The following PCDHA8 variants were observed in gnomAD, a reference collection of about 807,000 sequenced individuals.
PCDHA8 encodes protocadherin alpha-8.
A neutral mutation model predicts 61.8 loss-of-function variants in PCDHA8; 53 were observed. The observed-to-expected ratio is 0.86, with a 90% CI of 0.69 to 1.08. PCDHA8 has a LOEUF of 1.08. Among genes scored for constraint, PCDHA8 ranks in the 50% least tolerant of loss-of-function variants. The pLI is 0.00. For synonymous variants in PCDHA8, 618 were observed against 556.6 expected (o/e 1.11, Z -1.55); for missense variants, 1,293 against 1,245.0 (o/e 1.04, Z -0.58).
In PCDHA8 at chr5:141,005,071, G is replaced by A. The variant is rs115656219; in HGVS notation, c.2543-4556G>A. On this transcript the variant is annotated intron_variant, in intron 3 of 3. Coordinates refer to ENST00000531613, the MANE Select transcript of PCDHA8 (RefSeq NM_018911.3). ...TACTGAATTCTTGCATTGTGCTAAG[G>A]ATCAAGCTTAGTACTTTACATGCAT... 5.2e-3 allele frequency among the ~76,000 whole-genome samples: 796 copies of A among 152,278 alleles called. 8 individuals are homozygous for A. The highest frequency in any genetic ancestry group is 0.018 in the African/African-American group (745 of 41,556).
chr5:140,842,874 A>C lies in PCDHA8; in HGVS notation c.1553A>C (p.Tyr518Ser), dbSNP rs2150346972. 38 of 1,593,708 alleles carry C rather than the reference A, an allele frequency of 2.4e-5. 5 individuals carry two copies. The highest frequency in any genetic ancestry group is 2.3e-4 in the African/African-American group (17 of 74,204). The change falls in exon 1 of 4, where the codon TAC becomes TCC. Residue 518 changes from tyrosine (Y) to serine (S), a missense_variant. Physicochemically the swap from Tyr to Ser is moderately radical, Grantham distance 144 (BLOSUM62 -2). Coordinates refer to ENST00000531613, the MANE Select transcript of PCDHA8 (RefSeq NM_018911.3). ...ISVHTESGKV[Y>S]ALQPLDHEEL... is the part of the protein sequence containing the mutation. Reference sequence around the variant, plus strand: ...GTGCACACGGAGAGCGGCAAGGTGTACGCGCTGCAGCCGCTGGACCACGAG... The same window carrying C: ...GTGCACACGGAGAGCGGCAAGGTGTCCGCGCTGCAGCCGCTGGACCACGAG...
At chr5:140,847,123 C>T (rs1554141658) in intron 1 of PCDHA8, among the ~76,000 whole-genome samples, 1 of 149,564 alleles carries the variant, frequency 6.7e-6, no homozygotes, top group African/African-American at 2.4e-5. Context: ...AGAATGAAAG[C>T]AGGAAAACCA....
intron 1 of PCDHA8, chr5:140,926,257 C>T (rs888723043): frequency 5.2e-5 from 8 of 152,418 alleles, no homozygotes; most frequent in African/African-American, 1.4e-4. Context: ...ACCGTCCCGC[C>T]TCTCGCCGCC....
chr5:140,918,406 G>A (rs1382905411), intron 1 of PCDHA8, among the ~76,000 whole-genome samples: 2 of 152,076 alleles, frequency 1.3e-5, no homozygotes, highest in Non-Finnish European at 2.9e-5. Context: ...GATTTCTCTG[G>A]CCAGGACTTC....
intron 1 of PCDHA8, chr5:140,848,611 C>A (rs2150414621): frequency 6.3e-7 from 1 of 1,593,572 alleles, no homozygotes; most frequent in African/African-American, 1.3e-5. Flanking sequence ...CCGGAGGAAG[C>A]CGAACACGGC....
chr5:140,862,881 T>C, intron 1 of PCDHA8: 3 of 564,618 alleles, frequency 5.3e-6, no homozygotes, highest in Non-Finnish European at 1.0e-5. Context: ...GTATTAGTGC[T>C]GGAACGACAA....
chr5:140,982,071 G>A (rs1484711558), intron 2 of PCDHA8, among the ~76,000 whole-genome samples: 12 of 151,172 alleles, frequency 7.9e-5, no homozygotes, highest in Admixed American at 7.9e-4. Flanking sequence ...TTCTTCTTTA[G>A]AGTAGAGAAC....
chr5:140,878,016 G>A, intron 1 of PCDHA8: 2 of 818,388 alleles, frequency 2.4e-6, no homozygotes, highest in Admixed American at 3.6e-5. Context: ...CATTAATGAA[G>A]GAAATATGTA....
At chr5:140,869,419 C>G (rs782550413) in intron 1 of PCDHA8, 10 of 1,614,078 alleles carry the variant, frequency 6.2e-6, no homozygotes, top group African/African-American at 1.3e-5. Context: ...CAGCATCCAC[C>G]TGGAGGTGAT....
At chr5:140,929,554 C>T (rs899446101) in intron 1 of PCDHA8, 4 of 488,414 alleles carry the variant, frequency 8.2e-6, no homozygotes, top group Non-Finnish European at 1.4e-5. Context: ...AAAATTAAAA[C>T]CTATTTAAGA....
rs139214405 is a variant in PCDHA8, at chr5:140,927,269, C to A, written c.2395-51680C>A. The A allele has an allele frequency of 2.4e-5, 38 of 1,614,024 alleles. No individual in the cohort carries two copies. In the African/African-American group the frequency reaches 3.9e-4, roughly 16 times the overall value. On this transcript the variant is annotated intron_variant, in intron 1 of 3. Transcript: ENST00000531613. ...AATGACAACTCACCTCTCTTTCCTG[C>A]CGGCGACGTGCAGCTGCACATCCCC...
At chr5:140,928,332 C>T in intron 1 of PCDHA8, 1 of 1,614,182 alleles carries the variant, frequency 6.2e-7, no homozygotes, top group Non-Finnish European at 8.5e-7. Context: ...ATGGCCTTGT[C>T]TCTTATGAGC....
chr5:140,959,408 A>C (rs1554224058), intron 1 of PCDHA8, among the ~76,000 whole-genome samples: 2 of 152,124 alleles, frequency 1.3e-5, no homozygotes, highest in Non-Finnish European at 1.5e-5. Context: ...TAAAGTGTTG[A>C]TTGATCTGAG....
At chr5:140,846,948 CA>C (rs1554141582) in intron 1 of PCDHA8, among the ~76,000 whole-genome samples, 1 of 149,468 alleles carries the variant, frequency 6.7e-6, no homozygotes, top group East Asian at 1.9e-4. Flanking sequence ...CTTGAAGGGG[CA>C]TGGTGTGTTT....
chr5:141,010,938 A>G lies in PCDHA8; in HGVS notation c.*1001A>G, dbSNP rs1210392691. ...TCAAAAGAGAATTCAGTCTACAGCC[A>G]TTTAAATGATCATTGCTGCTACAGA... On this transcript the variant is annotated 3_prime_UTR_variant, in exon 4 of 4. Coordinates refer to ENST00000531613, the MANE Select transcript of PCDHA8 (RefSeq NM_018911.3). 6 of 153,824 alleles carry G rather than the reference A, an allele frequency of 3.9e-5. No homozygotes were observed. Among genetic ancestry groups the G allele is most frequent in the African/African-American group, 1.4e-4 (6 of 41,470 alleles). The allele number at this position is 153,824 out of a possible 1,614,324, so 9.5% of individuals were successfully genotyped here. A position where few individuals can be genotyped will look rare whatever the true frequency, so the allele number is the denominator to read the frequency against.
At chr5:140,858,024 C>T (rs782656168) in intron 1 of PCDHA8, 4 of 1,596,582 alleles carry the variant, frequency 2.5e-6, no homozygotes, top group African/African-American at 1.3e-5. Context: ...CCGTCGCTGA[C>T]GGCCACGGCC....
At chr5:140,870,944 C>G in intron 1 of PCDHA8, 1 of 1,613,658 alleles carries the variant, frequency 6.2e-7, no homozygotes, top group Middle Eastern at 1.7e-4. Context: ...CAGCCGGCGG[C>G]GGGCGGCTCG....
intron 1 of PCDHA8, among the ~76,000 whole-genome samples, chr5:140,910,641 C>G (rs1270893523): frequency 6.6e-6 from 1 of 152,206 alleles, no homozygotes; most frequent in Non-Finnish European, 1.5e-5. Context: ...CTCCCTAAAC[C>G]TTTTGATCCC....
rs1554217734 is a variant in PCDHA8 at position 140,946,611 on chromosome 5, A to AATATATATATATATATATATATATATAT, written c.2395-32317_2395-32316insTATATATATATATATATATATATATATA. Among the ~76,000 whole-genome samples, 579 of 86,182 alleles carry AATATATATATATATATATATATATATAT rather than the reference A, an allele frequency of 6.7e-3. 16 individuals are homozygous for AATATATATATATATATATATATATATAT. The highest frequency in any genetic ancestry group is 0.011 in the Middle Eastern group (2 of 184). 56.5% of individuals were successfully genotyped at this position (86,182 alleles called of 152,430 possible). A position where few individuals can be genotyped will look rare whatever the true frequency, so the allele number is the denominator to read the frequency against. On this transcript the variant is annotated intron_variant, in intron 1 of 3. Transcript: ENST00000531613. ...GGATGAATAGATAAAGAAAATGTGA[A>AATATATATATATATATATATATATATAT]ATATATATATATATATATATACAAT...
Sources: gnomAD v4.1 joint callset for allele counts (sites outside exome capture counted in the v4.1 genomes callset) on GRCh38, gnomAD v4.1.1 for gene constraint, MANE v1.5 for transcripts, NCBI Gene and HGNC (gene_info 2026-07-23, HGNC 2026-07-21) for gene names.